Variants in NCAM1 observed in about 807,000 individuals in gnomAD.
The protein encoded by NCAM1 is antigen recognized by monoclonal antibody 5.1H11.
Under a neutral mutation model 109.8 loss-of-function variants are expected in NCAM1, and 14 were observed. That is an observed-to-expected ratio of 0.13 (90% CI 0.08 to 0.20). NCAM1 has a LOEUF of 0.20. Among genes scored for constraint, NCAM1 ranks in the 10% least tolerant of loss-of-function variants. The pLI is 1.00. For missense variants in NCAM1, 774 were observed against 1,109.9 expected (o/e 0.70, Z 4.30); for synonymous variants, 418 against 442.9 (o/e 0.94, Z 0.70).
intron 1 of NCAM1, among the ~76,000 whole-genome samples, chr11:113,020,029 C>G (rs1444993641): frequency 6.6e-6 from 1 of 152,110 alleles, no homozygotes; most frequent in Non-Finnish European, 1.5e-5. Flanking sequence ...GTCATTTTTG[C>G]AAGGATGTTC....
chr11:113,260,461 G>C (rs1945958879), intron 17 of NCAM1, 138 bp downstream of exon 17: 1 of 961,888 alleles, frequency 1.0e-6, no homozygotes, highest in East Asian at 2.6e-5. Flanking sequence ...GCAAAGCTTA[G>C]TTTTGCCTTG....
chr11:113,050,212 T>G (rs991187858), intron 1 of NCAM1, among the ~76,000 whole-genome samples: 2 of 152,140 alleles, frequency 1.3e-5, no homozygotes, highest in Non-Finnish European at 2.9e-5. Context: ...CTGGATATGA[T>G]TTATGCTAAT....
chr11:113,208,506 T>A (rs1163831891), intron 7 of NCAM1, among the ~76,000 whole-genome samples: 1 of 151,932 alleles, frequency 6.6e-6, no homozygotes, highest in Admixed American at 6.6e-5. Flanking sequence ...TAGGTTTCTC[T>A]TCTGCTTGGA....
intron 1 of NCAM1, among the ~76,000 whole-genome samples, chr11:113,183,429 C>T (rs1032125076): frequency 2.0e-5 from 3 of 152,202 alleles, no homozygotes; most frequent in African/African-American, 4.8e-5. Context: ...ACAATATTCA[C>T]CTTAGGAAAT....
chr11:113,226,564 C>A (rs1944852253), intron 9 of NCAM1, among the ~76,000 whole-genome samples: 1 of 152,120 alleles, frequency 6.6e-6, no homozygotes, highest in Non-Finnish European at 1.5e-5. Flanking sequence ...TGAACTCAGC[C>A]CTGCACCAAG....
intron 1 of NCAM1, among the ~76,000 whole-genome samples, chr11:113,022,444 T>A (rs1230401870): frequency 6.6e-6 from 1 of 152,186 alleles, no homozygotes; most frequent in Non-Finnish European, 1.5e-5. Flanking sequence ...AATGCTGTGC[T>A]TGCCCCTTAG....
chr11:112,979,625 A>C (rs144450246), intron 1 of NCAM1, among the ~76,000 whole-genome samples: 1 of 151,832 alleles, frequency 6.6e-6, no homozygotes, highest in East Asian at 1.9e-4. Flanking sequence ...TCCTGTTTTC[A>C]GGAAAACCCA....
intron 1 of NCAM1, among the ~76,000 whole-genome samples, chr11:113,073,805 C>A (rs1435112614): frequency 1.3e-5 from 2 of 152,208 alleles, no homozygotes; most frequent in East Asian, 3.8e-4. Context: ...ACCTGCTGCT[C>A]TTATTTCTTC....
intron 14 of NCAM1, among the ~76,000 whole-genome samples, chr11:113,235,570 C>T (rs1555118137): frequency 6.6e-6 from 1 of 152,190 alleles, no homozygotes; most frequent in East Asian, 1.9e-4. Context: ...TGACAGTTCA[C>T]ATAATGCATT....
intron 15 of NCAM1, among the ~76,000 whole-genome samples, chr11:113,252,568 A>G (rs1378638690): frequency 6.6e-6 from 1 of 152,158 alleles, no homozygotes; most frequent in Middle Eastern, 3.2e-3. Context: ...CCTGGGACCT[A>G]GTAGATACTC....
intron 17 of NCAM1, among the ~76,000 whole-genome samples, chr11:113,262,400 G>C (rs1946034074): frequency 6.6e-6 from 1 of 152,204 alleles, no homozygotes; most frequent in African/African-American, 2.4e-5. Flanking sequence ...TATCTAAGAG[G>C]CTTCACCTTA....
chr11:112,995,105 A>G (rs567737907), intron 1 of NCAM1, among the ~76,000 whole-genome samples: 29 of 152,072 alleles, frequency 1.9e-4, no homozygotes, highest in Admixed American at 2.6e-4. Context: ...ACACTGAATA[A>G]ATGCTTTCGT....
At chr11:113,021,033 A>T (rs1952367993) in intron 1 of NCAM1, among the ~76,000 whole-genome samples, 2 of 152,204 alleles carry the variant, frequency 1.3e-5, no homozygotes, top group African/African-American at 4.8e-5. Context: ...CTGGGATTAC[A>T]GGCATGAGCC....
At chr11:113,243,021 G>C in intron 14 of NCAM1, 1 of 971,492 alleles carries the variant, frequency 1.0e-6, no homozygotes, top group Non-Finnish European at 1.2e-6. Context: ...TTGGCCAAGA[G>C]AGCAAACCAA....
intron 17 of NCAM1, 36 bp from the exon 18 acceptor site, chr11:113,270,152 G>T: frequency 6.2e-7 from 1 of 1,607,678 alleles, no homozygotes; most frequent in East Asian, 2.2e-5. Context: ...TCGCATCTCA[G>T]TCTGTTAACC....
chr11:113,029,251 A>G (rs1301731418), intron 1 of NCAM1, among the ~76,000 whole-genome samples: 1 of 152,216 alleles, frequency 6.6e-6, no homozygotes, highest in Non-Finnish European at 1.5e-5. Context: ...GGAGAAAATT[A>G]AGAAAGGAGG....
At chr11:113,016,144 G>C (rs1952200515) in intron 1 of NCAM1, among the ~76,000 whole-genome samples, 1 of 152,194 alleles carries the variant, frequency 6.6e-6, no homozygotes, top group Non-Finnish European at 1.5e-5. Context: ...TTAGGAGGTT[G>C]AGTTCATGCA....
intron 1 of NCAM1, among the ~76,000 whole-genome samples, chr11:113,140,703 T>C (rs1941783787): frequency 6.6e-6 from 1 of 152,234 alleles, no homozygotes; most frequent in Non-Finnish European, 1.5e-5. Flanking sequence ...TGAGTCTTGA[T>C]TATTTTCTCC....
intron 1 of NCAM1, among the ~76,000 whole-genome samples, chr11:113,097,567 T>C (rs1383665572): frequency 6.6e-6 from 1 of 151,722 alleles, no homozygotes; most frequent in East Asian, 1.9e-4. Context: ...GGAACTCTGT[T>C]AAATAGATCA....
Sources: gnomAD v4.1 joint callset for allele counts (sites outside exome capture counted in the v4.1 genomes callset) on GRCh38, gnomAD v4.1.1 for gene constraint, MANE v1.5 for transcripts, NCBI Gene and HGNC (gene_info 2026-07-23, HGNC 2026-07-21) for gene names.